RANBP2: variants seen among roughly 807,000 people sequenced by gnomAD.
The protein encoded by RANBP2 is E3 SUMO-protein ligase RanBP2.
In RANBP2, 57 loss-of-function variants were observed where a neutral mutation model predicts 303.6. The observed-to-expected ratio is 0.19, with a 90% CI of 0.15 to 0.23. The LOEUF (loss-of-function observed/expected upper bound fraction) is 0.23. RANBP2 is among the 10% of genes least tolerant of loss of function. The pLI, the probability that RANBP2 is intolerant of heterozygous loss-of-function variation, is 1.00. For missense variants in RANBP2, 3,138 were observed against 3,780.8 expected, an observed-to-expected ratio of 0.83 and a Z score of 4.46; for synonymous variants, 1,167 against 1,301.5, an observed-to-expected ratio of 0.90 and a Z score of 2.23.
chr2:109,298,779 C>T, the RANBP2 span, among the ~76,000 whole-genome samples: 9 of 152,168 alleles, frequency 5.9e-5, no homozygotes, highest in African/African-American at 1.9e-4. Context: ...CTGGTCTGGT[C>T]CCTCTGTGTC....
At chr2:109,051,312 A>C in the RANBP2 span, among the ~76,000 whole-genome samples, 2 of 152,138 alleles carry the variant, frequency 1.3e-5, no homozygotes, top group African/African-American at 4.8e-5. Context: ...CTCACAGCTC[A>C]TCCTGGCTTT....
At chr2:108,721,912 C>G (rs1300830863) in intron 1 of RANBP2, among the ~76,000 whole-genome samples, 1 of 151,696 alleles carries the variant, frequency 6.6e-6, no homozygotes, top group Non-Finnish European at 1.5e-5. Context: ...CGGCTTTTTT[C>G]TTTAATGTAG....
At chr2:109,284,270 G>A in the RANBP2 span, among the ~76,000 whole-genome samples, 4 of 152,198 alleles carry the variant, frequency 2.6e-5, no homozygotes, top group African/African-American at 9.6e-5. Context: ...ATTTCCTTGA[G>A]CATCTTCACT....
At chr2:109,043,798 A>G in the RANBP2 span, among the ~76,000 whole-genome samples, 1 of 152,352 alleles carries the variant, frequency 6.6e-6, no homozygotes, top group South Asian at 2.1e-4. Flanking sequence ...TTTATCTTCT[A>G]GTTAATATCT....
chr2:109,383,823 A>C, the RANBP2 span, among the ~76,000 whole-genome samples: 1 of 152,174 alleles, frequency 6.6e-6, no homozygotes, highest in Non-Finnish European at 1.5e-5. Context: ...CATTTTCCAG[A>C]CGTCCTGTTT....
the RANBP2 span, among the ~76,000 whole-genome samples, chr2:109,268,795 C>T: frequency 2.4e-3 from 357 of 151,626 alleles, 1 homozygote; most frequent in African/African-American, 8.2e-3. Flanking sequence ...GGCTAATGTG[C>T]GTGTTCTGAG....
the RANBP2 span, among the ~76,000 whole-genome samples, chr2:109,269,366 C>T: frequency 3.3e-5 from 5 of 152,214 alleles, no homozygotes; most frequent in Non-Finnish European, 7.3e-5. Context: ...CCCCACACAC[C>T]GTGTAATTTC....
the RANBP2 span, among the ~76,000 whole-genome samples, chr2:109,579,204 T>A: frequency 2.0e-5 from 3 of 152,254 alleles, no homozygotes; most frequent in East Asian, 5.8e-4. Context: ...CCTGGAAAAT[T>A]ATAACTTACA....
At chr2:108,905,705 G>A in the RANBP2 span, among the ~76,000 whole-genome samples, 1 of 152,150 alleles carries the variant, frequency 6.6e-6, no homozygotes. Context: ...TAATAAGAAG[G>A]TAATTTAGAA....
the RANBP2 span, among the ~76,000 whole-genome samples, chr2:109,135,317 G>A: frequency 1.3e-5 from 2 of 152,178 alleles, no homozygotes; most frequent in South Asian, 2.1e-4. Context: ...CCCAGGACAC[G>A]TGGAAGGAGG....
At chr2:108,897,731 C>T in the RANBP2 span, among the ~76,000 whole-genome samples, 1 of 152,178 alleles carries the variant, frequency 6.6e-6, no homozygotes, top group Non-Finnish European at 1.5e-5. Context: ...GGTTCTTGGG[C>T]TTCACTGTAC....
the RANBP2 span, among the ~76,000 whole-genome samples, chr2:108,952,304 G>A: frequency 1.3e-5 from 2 of 152,128 alleles, no homozygotes; most frequent in South Asian, 2.1e-4. Context: ...TTGGGTAGAA[G>A]GTAGTTTGGT....
the RANBP2 span, among the ~76,000 whole-genome samples, chr2:109,312,877 G>T: frequency 6.6e-6 from 1 of 152,196 alleles, no homozygotes; most frequent in Non-Finnish European, 1.5e-5. Flanking sequence ...GATTTTGGGT[G>T]TATACCTAGG....
At chr2:108,800,519 C>G in the RANBP2 span, among the ~76,000 whole-genome samples, 1 of 151,980 alleles carries the variant, frequency 6.6e-6, no homozygotes, top group East Asian at 1.9e-4. Flanking sequence ...CCTGCCTCGC[C>G]CTCCCAAAGT....
At chr2:108,733,219 T>C (rs1695315338) in intron 4 of RANBP2, among the ~76,000 whole-genome samples, 2 of 151,710 alleles carry the variant, frequency 1.3e-5, no homozygotes, top group African/African-American at 4.8e-5. Flanking sequence ...TTCCTTTACT[T>C]CTGAGTAGTA....
chr2:108,797,027 CTTGGTGAGGATGTTAAGTAGGCTGT>C, the RANBP2 span, among the ~76,000 whole-genome samples: 4 of 152,134 alleles, frequency 2.6e-5, no homozygotes, highest in Non-Finnish European at 5.9e-5. Context: ...TCCCCATCAC[CTTGGTGAGGATGTTAAGTAGGCTGT>C]TTGGACTTGA....
the RANBP2 span, among the ~76,000 whole-genome samples, chr2:109,721,546 TA>T: frequency 6.6e-6 from 1 of 151,862 alleles, no homozygotes; most frequent in Non-Finnish European, 1.5e-5. Context: ...GGCCCAAAGA[TA>T]AAAAAAACAG....
the RANBP2 span, among the ~76,000 whole-genome samples, chr2:109,405,790 G>T: frequency 1.3e-5 from 2 of 152,200 alleles, no homozygotes; most frequent in Non-Finnish European, 2.9e-5. Flanking sequence ...TATTATTTGT[G>T]TGTATGGCCA....
At chr2:109,045,258 T>C in the RANBP2 span, among the ~76,000 whole-genome samples, 1 of 152,148 alleles carries the variant, frequency 6.6e-6, no homozygotes, top group Non-Finnish European at 1.5e-5. Context: ...GGTGGAGGGC[T>C]GCCTCTTGGT....
Sources: gnomAD v4.1 joint callset for allele counts (sites outside exome capture counted in the v4.1 genomes callset) on GRCh38, gnomAD v4.1.1 for gene constraint, MANE v1.5 for transcripts, NCBI Gene and HGNC (gene_info 2026-07-23, HGNC 2026-07-21) for gene names.